ENPP2: variants seen among roughly 807,000 people sequenced by gnomAD.
The protein encoded by ENPP2 is ectonucleotide pyrophosphatase/phosphodiesterase 2.
In ENPP2, 51 loss-of-function variants were observed where a neutral mutation model predicts 120.2. The ratio of observed to expected loss-of-function variants is 0.42; its 90% confidence interval spans 0.34 to 0.54. The LOEUF is 0.54. ENPP2 is among the 20% of genes least tolerant of loss of function. The probability of loss-of-function intolerance (pLI) is 0.04; values close to 1 mark genes in which losing one functional copy is unlikely to be tolerated. For missense variants in ENPP2, 920 were observed against 1,066.5 expected (o/e 0.86, Z 1.91); for synonymous variants, 365 against 366.4 (o/e 1.00, Z 0.04).
intron 23 of ENPP2, 44 bp from the exon 24 acceptor site, chr8:119,563,057 G>T (rs754129021): frequency 6.4e-7 from 1 of 1,559,204 alleles, no homozygotes; most frequent in Middle Eastern, 1.8e-4. Context: ...ATGAGTTGAT[G>T]TTGAAGCTTT....
At chr8:119,597,618 G>A (rs904580089) in intron 11 of ENPP2, among the ~76,000 whole-genome samples, 1 of 152,182 alleles carries the variant, frequency 6.6e-6, no homozygotes, top group Non-Finnish European at 1.5e-5. Flanking sequence ...GCCATCTGAA[G>A]GTAGAGACTA....
At chr8:119,662,292 G>A (rs1223779447) in intron 1 of ENPP2, among the ~76,000 whole-genome samples, 5 of 151,896 alleles carry the variant, frequency 3.3e-5, no homozygotes, top group Admixed American at 6.6e-5. Context: ...GTTGTATCTC[G>A]TAAATACATA....
chr8:119,667,576 G>A (rs1818109979), intron 1 of ENPP2, among the ~76,000 whole-genome samples: 1 of 152,112 alleles, frequency 6.6e-6, no homozygotes, highest in African/African-American at 2.4e-5. Flanking sequence ...CCTGCAGTCT[G>A]TCACCATACT....
intron 3 of ENPP2, 140 bp from the exon 4 acceptor site, chr8:119,621,659 G>A: frequency 1.3e-6 from 1 of 796,016 alleles, no homozygotes; most frequent in Non-Finnish European, 2.0e-6. Flanking sequence ...GTTGGCTTGA[G>A]GCCCAGAGGA....
At chr8:119,673,350 T>C in exon 1 of ENPP2, 2 of 1,517,688 alleles carry the variant, frequency 1.3e-6, no homozygotes, top group East Asian at 2.5e-5. Context: ...ACCTGGGAGC[T>C]GTGCTCGGGA....
At chr8:119,643,227 CAG>C (rs1563767965), upstream of ENPP2, among the ~76,000 whole-genome samples, 1 of 152,174 alleles carries the variant, frequency 6.6e-6, no homozygotes, top group Non-Finnish European at 1.5e-5. Flanking sequence ...AACTGGACAA[CAG>C]TCTTTGCAAA....
intron 1 of ENPP2, among the ~76,000 whole-genome samples, chr8:119,654,209 T>C (rs1259783430): frequency 7.1e-6 from 1 of 140,732 alleles, no homozygotes; most frequent in Non-Finnish European, 1.5e-5. Context: ...TATCTAGATA[T>C]ATAACTATTA....
At position 119,673,359 on chromosome 8, in the gene ENPP2, G is replaced by A. The variant is rs1018824170; in HGVS notation, c.-87C>T. The A allele has an allele frequency of 9.6e-5, 142 of 1,478,108 alleles. 1 individual carries two copies. The South Asian group carries it at 1.6e-3, about 17-fold the overall frequency. 91.6% of individuals were successfully genotyped at this position (1,478,108 alleles called of 1,614,324 possible). A position where few individuals can be genotyped will look rare whatever the true frequency, so the allele number is the denominator to read the frequency against. ...CCCGCGACCTGGGAGCTGTGCTCGGGACGGCTGCTGCGGACTGCTCTTGTT... is the reference window on the plus strand; with the variant it reads ...CCCGCGACCTGGGAGCTGTGCTCGGAACGGCTGCTGCGGACTGCTCTTGTT... On this transcript the variant is annotated 5_prime_UTR_variant, in exon 1 of 26. Coordinates refer to the ENPP2 transcript ENST00000427067.
At chr8:119,606,151 C>T (rs1814704093) in intron 9 of ENPP2, among the ~76,000 whole-genome samples, 1 of 151,904 alleles carries the variant, frequency 6.6e-6, no homozygotes, top group Non-Finnish European at 1.5e-5. Context: ...AAGTGTGATC[C>T]TATTTTTTTA....
intron 11 of ENPP2, among the ~76,000 whole-genome samples, chr8:119,599,808 C>T (rs534432869): frequency 6.6e-6 from 1 of 152,232 alleles, no homozygotes; most frequent in South Asian, 2.1e-4. Flanking sequence ...GAGTTAGAGA[C>T]CAGCCTGGCA....
intron 1 of ENPP2, among the ~76,000 whole-genome samples, chr8:119,651,064 G>T (rs1249216249): frequency 1.3e-5 from 2 of 152,028 alleles, no homozygotes; most frequent in East Asian, 1.9e-4. Context: ...AAACAGAAAG[G>T]CTGTCCATAG....
chr8:119,577,366 G>A (rs888469879), intron 19 of ENPP2, among the ~76,000 whole-genome samples: 4 of 152,198 alleles, frequency 2.6e-5, no homozygotes, highest in African/African-American at 9.7e-5. Context: ...ATCTCCTCCA[G>A]TAGGGCAGAC....
intron 19 of ENPP2, among the ~76,000 whole-genome samples, chr8:119,577,408 T>C (rs1353837943): frequency 6.6e-6 from 1 of 152,088 alleles, no homozygotes; most frequent in African/African-American, 2.4e-5. Flanking sequence ...GCCAAATTTA[T>C]GACACAGGAA....
At chr8:119,635,675 G>T (rs2130827726) in intron 2 of ENPP2, among the ~76,000 whole-genome samples, 2 of 152,276 alleles carry the variant, frequency 1.3e-5, no homozygotes, top group South Asian at 4.2e-4. Context: ...TAACCTGAAT[G>T]CCCATTGTAT....
chr8:119,572,834 T>G (rs1351963214), intron 19 of ENPP2: 1 of 153,156 alleles, frequency 6.5e-6, no homozygotes, highest in African/African-American at 2.4e-5. Flanking sequence ...AGATGCCATG[T>G]GGTCTGCACC....
intron 1 of ENPP2, among the ~76,000 whole-genome samples, chr8:119,667,428 T>A (rs940343426): frequency 6.6e-6 from 1 of 152,230 alleles, no homozygotes; most frequent in Non-Finnish European, 1.5e-5. Flanking sequence ...TTTGGCTCTT[T>A]CATTCATTCA....
intron 2 of ENPP2, among the ~76,000 whole-genome samples, chr8:119,631,179 C>A (rs1370708909): frequency 6.8e-6 from 1 of 146,288 alleles, no homozygotes; most frequent in South Asian, 2.2e-4. Context: ...CAGGTGTGAG[C>A]CACTGCGCCC....
intron 14 of ENPP2, among the ~76,000 whole-genome samples, chr8:119,586,662 TG>T (rs1813136099): frequency 1.3e-5 from 2 of 151,748 alleles, no homozygotes; most frequent in South Asian, 4.2e-4. Context: ...GAGGAGCACA[TG>T]GGTTTAGGCT....
chr8:119,598,795 G>T (rs1479245918), intron 11 of ENPP2, among the ~76,000 whole-genome samples: 2 of 152,156 alleles, frequency 1.3e-5, no homozygotes, highest in Admixed American at 6.5e-5. Flanking sequence ...AGGGTTAAAT[G>T]GTTCCATGGA....
Sources: gnomAD v4.1 joint callset for allele counts (sites outside exome capture counted in the v4.1 genomes callset) on GRCh38, gnomAD v4.1.1 for gene constraint, MANE v1.5 for transcripts, NCBI Gene and HGNC (gene_info 2026-07-23, HGNC 2026-07-21) for gene names.